The following FBLN5 variants were observed in gnomAD, a reference collection of about 807,000 sequenced individuals.
FBLN5 encodes the protein fibulin 5.
Under a neutral mutation model 61.6 loss-of-function variants are expected in FBLN5, and 24 were observed. That is an observed-to-expected ratio of 0.39 (90% CI 0.28 to 0.55). The LOEUF is 0.55. FBLN5 is among the 20% of genes least tolerant of loss of function. The pLI is 0.65. For synonymous variants in FBLN5, 213 were observed against 219.8 expected (o/e 0.97, Z 0.27); for missense variants, 470 against 594.1 (o/e 0.79, Z 2.17).
In FBLN5 at chr14:91,936,974, G is replaced by A; in HGVS notation, c.352C>T (p.Gln118Ter). ...SRPLICRFGY[Q>*]MDESNQCVDV... ...ACACATTGGTTGCTTTCATCCATCT[G>A]GTATCCAAAGCGGCATATAAGAGGC... The change falls in exon 4 of 11, where the codon CAG becomes TAG. Residue 118 changes from glutamine (Q) to a stop codon, truncating the protein, a stop_gained. Transcript: ENST00000342058. LOFTEE classifies it high-confidence loss of function. 6.2e-7 allele frequency: 1 copy of A among 1,614,158 alleles called. No individual in the cohort carries two copies. Among genetic ancestry groups the A allele is most frequent in the Non-Finnish European group, 8.5e-7 (1 of 1,180,018 alleles).
In FBLN5 at chr14:91,895,031, T is replaced by C. The variant is rs748483956; in HGVS notation, c.421A>G (p.Thr141Ala). ...CATDSHQCNP[T>A]QICINTEGGY... is the part of the protein sequence containing the mutation. ...CCTTCAGTATTGATGCAGATCTGGG[T>C]GGGGTTGCACTGGTGGGAATCTGTT... The change falls in exon 5 of 11, where the codon ACC (threonine) becomes GCC (alanine). Residue 141 changes from threonine (T) to alanine (A), a missense_variant. Thr to Ala is a moderately conservative substitution (Grantham distance 58). Transcript: ENST00000342058. The C allele has an allele frequency of 2.5e-6, 4 of 1,613,898 alleles. No individual in the cohort carries two copies. The highest frequency in any genetic ancestry group is 2.2e-5 in the East Asian group (1 of 44,886).
intron 6 of FBLN5, among the ~76,000 whole-genome samples, chr14:91,888,634 A>G (rs907268061): frequency 8.0e-5 from 12 of 150,886 alleles, no homozygotes; most frequent in Admixed American, 7.9e-4. Flanking sequence ...ATACATATAT[A>G]TATATATACA....
At chr14:91,894,425 A>C (rs1350893627) in intron 5 of FBLN5, among the ~76,000 whole-genome samples, 2 of 146,876 alleles carry the variant, frequency 1.4e-5, no homozygotes, top group African/African-American at 5.0e-5. Context: ...AAAAAAAAAA[A>C]AACCGAAAAA....
rs2139960767 is a variant in FBLN5, at chr14:91,882,991, T to G, written c.825A>C (p.Pro275=). 2 of 1,614,112 alleles carry G rather than the reference T, an allele frequency of 1.2e-6. No homozygotes were observed. The highest frequency in any genetic ancestry group is 1.7e-6 in the Non-Finnish European group (2 of 1,179,968). ...GGTTGTCATCCAGCAGGATGTAGCCTGGAGGGCAGGAGCAGAAGTATGTGC... is the reference window on the plus strand; with the variant it reads ...GGTTGTCATCCAGCAGGATGTAGCCGGGAGGGCAGGAGCAGAAGTATGTGC... The part of the protein sequence containing the change: ...QPGTYFCSCP[P]GYILLDDNRS... Residue 275 remains proline, a synonymous_variant, in exon 8 of 11, where the codon CCA becomes CCC. Coordinates refer to ENST00000342058, the MANE Select transcript of FBLN5 (RefSeq NM_006329.4). The surrounding 1 kb of genome is among the most constrained non-coding windows in gnomAD (Gnocchi z 4.9).
intron 4 of FBLN5, among the ~76,000 whole-genome samples, chr14:91,926,295 TGGC>T (rs2055827672): frequency 2.0e-5 from 3 of 152,190 alleles, no homozygotes; most frequent in Non-Finnish European, 4.4e-5. Flanking sequence ...GGCCCAGGGC[TGGC>T]TGCTGGAGGG....
chr14:91,891,437 G>A, intron 5 of FBLN5, 100 bp from the exon 6 acceptor site: 2 of 824,148 alleles, frequency 2.4e-6, no homozygotes, highest in East Asian at 4.9e-5. Flanking sequence ...ACAGGATCAT[G>A]AACGGAAGCA....
At chr14:91,912,459 A>G (rs1256275072) in intron 4 of FBLN5, among the ~76,000 whole-genome samples, 2 of 152,240 alleles carry the variant, frequency 1.3e-5, no homozygotes, top group African/African-American at 4.8e-5. Context: ...AGCCTGGCCA[A>G]CGTGGTGAAA....
intron 4 of FBLN5, among the ~76,000 whole-genome samples, chr14:91,931,201 A>G (rs2140038921): frequency 1.3e-5 from 2 of 152,304 alleles, no homozygotes; most frequent in Middle Eastern, 6.8e-3. Context: ...CCTCCACCCC[A>G]GAAGGCTTCT....
At chr14:91,892,442 A>G (rs898661795) in intron 5 of FBLN5, among the ~76,000 whole-genome samples, 3 of 152,104 alleles carry the variant, frequency 2.0e-5, no homozygotes, top group African/African-American at 7.2e-5. Flanking sequence ...CCTGGTTTCT[A>G]CCTACTGCCA....
intron 5 of FBLN5, among the ~76,000 whole-genome samples, chr14:91,894,414 A>AAC (rs1890125475): frequency 7.1e-6 from 1 of 141,712 alleles, no homozygotes; most frequent in Non-Finnish European, 1.5e-5. Context: ...AAAAAAAAAA[A>AAC]AAAAAAAAAA....
intron 4 of FBLN5, among the ~76,000 whole-genome samples, chr14:91,907,069 TA>T: frequency 6.6e-6 from 1 of 152,348 alleles, no homozygotes; most frequent in Middle Eastern, 3.4e-3. Context: ...CAGCAGAGAC[TA>T]TCATCTGCCA....
intron 7 of FBLN5, among the ~76,000 whole-genome samples, chr14:91,886,923 C>A (rs1889752422): frequency 6.6e-6 from 1 of 152,154 alleles, no homozygotes; most frequent in African/African-American, 2.4e-5. Flanking sequence ...GACTGCTCTC[C>A]CTCTTCAACC....
chr14:91,898,593 C>T (rs1890321021), intron 4 of FBLN5, among the ~76,000 whole-genome samples: 1 of 152,116 alleles, frequency 6.6e-6, no homozygotes. Context: ...ACTCCAAGGA[C>T]ATTCTTTGGC....
chr14:91,890,567 T>C (rs1350628960), intron 6 of FBLN5, among the ~76,000 whole-genome samples: 1 of 152,260 alleles, frequency 6.6e-6, no homozygotes, highest in Non-Finnish European at 1.5e-5. Context: ...AACCTTCAGA[T>C]GGAAACCACA....
intron 7 of FBLN5, among the ~76,000 whole-genome samples, chr14:91,884,889 C>T (rs1772005721): frequency 6.6e-6 from 1 of 152,214 alleles, no homozygotes; most frequent in Non-Finnish European, 1.5e-5. Flanking sequence ...GTGGCTCCAC[C>T]CTCCAGTGGA....
intron 4 of FBLN5, among the ~76,000 whole-genome samples, chr14:91,909,602 C>T (rs1355100085): frequency 6.6e-6 from 1 of 152,104 alleles, no homozygotes; most frequent in African/African-American, 2.4e-5. Flanking sequence ...GAATTGGTGG[C>T]TTTCTAAGAA....
intron 2 of FBLN5, chr14:91,942,192 G>A (rs1241690470): frequency 2.2e-6 from 1 of 455,968 alleles, no homozygotes; most frequent in Non-Finnish European, 4.4e-6. Context: ...TTAAAATAAA[G>A]TCCAGGATGC....
rs779385425 is a variant in FBLN5, at chr14:91,869,783, C to T, written c.*441G>A. 4.2e-5 allele frequency: 10 copies of T among 239,026 alleles called. No individual in the cohort carries two copies. Among genetic ancestry groups the T allele is most frequent in the Non-Finnish European group, 8.4e-5 (10 of 119,680 alleles). The allele number at this position is 239,026 out of a possible 1,614,324, so 14.8% of individuals were successfully genotyped here. On this transcript the variant is annotated 3_prime_UTR_variant, in exon 11 of 11. Transcript: ENST00000342058. ...GTGTACGCAAAAAGCAAACTAGCTACTCCCAGGGTTCCCCGCCAGCTCCCG... is the reference window on the plus strand; with the variant it reads ...GTGTACGCAAAAAGCAAACTAGCTATTCCCAGGGTTCCCCGCCAGCTCCCG...
intron 4 of FBLN5, among the ~76,000 whole-genome samples, chr14:91,924,921 T>C (rs969964329): frequency 3.3e-5 from 5 of 152,146 alleles, no homozygotes; most frequent in Non-Finnish European, 7.4e-5. Flanking sequence ...ATGACCCATC[T>C]TTTTCCCTAA....
Sources: allele counts gnomAD v4.1 joint callset (sites outside exome capture counted in the v4.1 genomes callset), GRCh38; gene constraint gnomAD v4.1.1; non-coding constraint Gnocchi (gnomAD v3.1); transcripts MANE v1.5; gene names NCBI Gene and HGNC (gene_info 2026-07-23, HGNC 2026-07-21).